CSMD1: variants seen among roughly 807,000 people sequenced by gnomAD.
CSMD1 encodes CUB and sushi domain-containing protein 1.
CSMD1 carries 213 observed loss-of-function variants against 417.5 expected under a neutral mutation model. The observed-to-expected ratio is 0.51, with a 90% CI of 0.46 to 0.57. CSMD1 has a LOEUF of 0.57. Ranked by LOEUF, CSMD1 falls within the 20% of genes least tolerant of loss-of-function variation. The pLI, the probability that CSMD1 is intolerant of heterozygous loss-of-function variation, is 0.00. For missense variants in CSMD1, 6,923 were observed against 4,529.7 expected, an observed-to-expected ratio of 1.53 and a Z score of -15.17; for synonymous variants, 2,862 against 1,736.8, an observed-to-expected ratio of 1.65 and a Z score of -16.11.
chr8:4,669,216 C>T (rs1488535531), intron 1 of CSMD1, among the ~76,000 whole-genome samples: 2 of 152,096 alleles, frequency 1.3e-5, no homozygotes, highest in Non-Finnish European at 2.9e-5. Context: ...CTTTTAGTTC[C>T]CTTAATGGGA....
At chr8:3,193,793 G>A (rs530586162) in intron 33 of CSMD1, among the ~76,000 whole-genome samples, 11 of 152,236 alleles carry the variant, frequency 7.2e-5, no homozygotes, top group Admixed American at 2.0e-4. Flanking sequence ...GGGAAGCAGC[G>A]CAAATGTGTG....
At chr8:4,650,856 G>A (rs932335612) in intron 1 of CSMD1, among the ~76,000 whole-genome samples, 1 of 152,176 alleles carries the variant, frequency 6.6e-6, no homozygotes, top group Non-Finnish European at 1.5e-5. Context: ...AAAATAGCTA[G>A]TTGCCTAGAT....
chr8:4,842,353 G>A (rs1159374754), intron 1 of CSMD1, among the ~76,000 whole-genome samples: 3 of 152,084 alleles, frequency 2.0e-5, no homozygotes, highest in Admixed American at 6.5e-5. Context: ...TCTGACTTTG[G>A]CTTAAATTAA....
intron 5 of CSMD1, among the ~76,000 whole-genome samples, chr8:3,948,129 C>A (rs953635197): frequency 6.6e-6 from 1 of 152,042 alleles, no homozygotes; most frequent in East Asian, 1.9e-4. Context: ...CTGCTTTAAC[C>A]GAGAGGCTTA....
At chr8:4,731,629 A>G (rs1809871896) in intron 1 of CSMD1, among the ~76,000 whole-genome samples, 1 of 152,216 alleles carries the variant, frequency 6.6e-6, no homozygotes, top group Admixed American at 6.5e-5. Flanking sequence ...CCTGCACTCC[A>G]GGAGAAAGGT....
chr8:4,942,726 A>T (rs1014880992), intron 1 of CSMD1, among the ~76,000 whole-genome samples: 4 of 152,202 alleles, frequency 2.6e-5, no homozygotes, highest in Non-Finnish European at 5.9e-5. Flanking sequence ...TGGAGAATCC[A>T]ATACCGACCT....
intron 2 of CSMD1, among the ~76,000 whole-genome samples, chr8:4,591,306 GAAGT>G (rs997450890): frequency 1.3e-5 from 2 of 152,206 alleles, no homozygotes; most frequent in Non-Finnish European, 2.9e-5. Context: ...CCCAGAGGAA[GAAGT>G]GAGTAATTCT....
intron 3 of CSMD1, among the ~76,000 whole-genome samples, chr8:4,349,961 C>A (rs1206357900): frequency 6.6e-6 from 1 of 151,908 alleles, no homozygotes; most frequent in African/African-American, 2.4e-5. Context: ...CAAATGTATG[C>A]TGTAGACTTA....
chr8:4,375,514 A>T (rs1008415941), intron 3 of CSMD1, among the ~76,000 whole-genome samples: 1 of 152,088 alleles, frequency 6.6e-6, no homozygotes, highest in African/African-American at 2.4e-5. Flanking sequence ...GTGACATCAG[A>T]AGAATTTTTT....
At chr8:3,714,469 T>C (rs1395056245) in intron 6 of CSMD1, among the ~76,000 whole-genome samples, 1 of 148,218 alleles carries the variant, frequency 6.7e-6, no homozygotes, top group Non-Finnish European at 1.5e-5. Flanking sequence ...ACATCTGTAA[T>C]CCCAGCACTT....
At chr8:4,726,118 G>A (rs1585004398) in intron 1 of CSMD1, among the ~76,000 whole-genome samples, 1 of 152,044 alleles carries the variant, frequency 6.6e-6, no homozygotes, top group South Asian at 2.1e-4. Flanking sequence ...ACACGGGGAG[G>A]ACAAGACGTC....
intron 5 of CSMD1, among the ~76,000 whole-genome samples, chr8:3,902,677 C>A (rs1807833889): frequency 2.0e-5 from 3 of 152,076 alleles, no homozygotes; most frequent in Admixed American, 1.3e-4. Context: ...TCCTGCTGGG[C>A]ATCCTGGTTC....
chr8:4,240,059 A>G (rs891498194), intron 3 of CSMD1, among the ~76,000 whole-genome samples: 2 of 152,188 alleles, frequency 1.3e-5, no homozygotes, highest in African/African-American at 4.8e-5. Flanking sequence ...ATGCATTTTT[A>G]TTACTCAATT....
chr8:3,803,958 T>C (rs1048559495), intron 5 of CSMD1, among the ~76,000 whole-genome samples: 9 of 152,030 alleles, frequency 5.9e-5, no homozygotes, highest in Non-Finnish European at 1.2e-4. Context: ...GGTGGAGTCT[T>C]GCTCTGTCGC....
chr8:3,820,042 A>T (rs1801636333), intron 5 of CSMD1, among the ~76,000 whole-genome samples: 1 of 152,152 alleles, frequency 6.6e-6, no homozygotes, highest in Non-Finnish European at 1.5e-5. Flanking sequence ...AGATAGAAAA[A>T]TCTCATTCGA....
intron 11 of CSMD1, among the ~76,000 whole-genome samples, chr8:3,493,320 C>A (rs916973746): frequency 3.5e-4 from 47 of 135,324 alleles, no homozygotes; most frequent in Admixed American, 1.0e-3. Flanking sequence ...AAAGGGGGGG[C>A]GGAGGGGTTG....
intron 23 of CSMD1, among the ~76,000 whole-genome samples, chr8:3,324,595 G>T (rs905165229): frequency 6.6e-6 from 1 of 151,146 alleles, no homozygotes; most frequent in Non-Finnish European, 1.5e-5. Context: ...CCCAGGAGTG[G>T]GAGTTTCCTT....
At chr8:3,512,836 T>A (rs557154463) in intron 10 of CSMD1, among the ~76,000 whole-genome samples, 1 of 152,090 alleles carries the variant, frequency 6.6e-6, no homozygotes, top group East Asian at 1.9e-4. Flanking sequence ...GATCTCTTCA[T>A]CCGCCCACCT....
At chr8:4,252,315 C>T (rs1266442986) in intron 3 of CSMD1, among the ~76,000 whole-genome samples, 1 of 152,210 alleles carries the variant, frequency 6.6e-6, no homozygotes, top group Non-Finnish European at 1.5e-5. Flanking sequence ...ATTTGTGCAA[C>T]ACATATCTCT....
Sources: allele counts gnomAD v4.1 joint callset (sites outside exome capture counted in the v4.1 genomes callset), GRCh38; gene constraint gnomAD v4.1.1; transcripts MANE v1.5; gene names NCBI Gene and HGNC (gene_info 2026-07-23, HGNC 2026-07-21).